The following SLC35F3 variants were observed in gnomAD, a reference collection of about 807,000 sequenced individuals.
SLC35F3 encodes the protein solute carrier family 35 member F3.
A neutral mutation model predicts 49.9 loss-of-function variants in SLC35F3; 25 were observed. The ratio of observed to expected loss-of-function variants is 0.50; its 90% CI spans 0.37 to 0.70. SLC35F3 has a LOEUF of 0.70. Among genes scored for constraint, SLC35F3 ranks in the 30% least tolerant of loss-of-function variants. The probability of loss-of-function intolerance (pLI) is 0.00; values close to 1 mark genes in which losing one functional copy is unlikely to be tolerated. For synonymous variants in SLC35F3, 275 were observed against 265.4 expected (o/e 1.04, Z -0.35); for missense variants, 525 against 639.8 (o/e 0.82, Z 1.94).
In SLC35F3 at chr1:234,094,244, T is replaced by A. The variant is rs1196882423; in HGVS notation, c.284-137173T>A. 3.3e-5 allele frequency among the ~76,000 whole-genome samples: 5 copies of A among 152,252 alleles called. No individual in the cohort carries two copies. The East Asian group carries it at 9.6e-4, about 29-fold the overall frequency. On this transcript the variant is annotated intron_variant, in intron 2 of 7. Transcript: ENST00000366618. ...ATTTTCATGAAGACAGATGAAGGAG[T>A]CTGTGCTGGTTCCTTTTCTGCCTCT...
intron 2 of SLC35F3, among the ~76,000 whole-genome samples, chr1:234,177,576 C>T (rs190593733): frequency 4.2e-4 from 64 of 152,352 alleles, no homozygotes; most frequent in Non-Finnish European, 8.1e-4. Flanking sequence ...GGCTTTACTA[C>T]ACTTACTGAT....
intron 2 of SLC35F3, among the ~76,000 whole-genome samples, chr1:234,133,586 A>G (rs1665765618): frequency 6.6e-6 from 1 of 152,208 alleles, no homozygotes; most frequent in Non-Finnish European, 1.5e-5. Flanking sequence ...TCTATTTTCT[A>G]TACCAGGTTC....
chr1:234,300,820 G>A (rs966684521), intron 3 of SLC35F3, among the ~76,000 whole-genome samples: 17 of 152,208 alleles, frequency 1.1e-4, no homozygotes, highest in African/African-American at 4.1e-4. Flanking sequence ...ATTGGAGGAG[G>A]GACAGCAGTG....
chr1:234,119,176 G>A (rs1274728004), intron 2 of SLC35F3, among the ~76,000 whole-genome samples: 1 of 152,088 alleles, frequency 6.6e-6, no homozygotes, highest in Non-Finnish European at 1.5e-5. Flanking sequence ...GGTAAGAGAA[G>A]GGGAGTGAAT....
intron 2 of SLC35F3, among the ~76,000 whole-genome samples, chr1:234,190,868 A>G (rs981968344): frequency 1.3e-5 from 2 of 152,212 alleles, no homozygotes; most frequent in African/African-American, 4.8e-5. Flanking sequence ...AAGACTGAAC[A>G]AAGGGATGAA....
At chr1:234,294,596 G>A (rs1456148575) in intron 3 of SLC35F3, among the ~76,000 whole-genome samples, 1 of 152,204 alleles carries the variant, frequency 6.6e-6, no homozygotes. Context: ...ATAGTTCACA[G>A]TTTTAAGATA....
chr1:234,309,085 T>C lies in SLC35F3; in HGVS notation c.609-16T>C. The C allele has an allele frequency of 3.7e-6, 6 of 1,610,366 alleles. No homozygotes were observed. The highest frequency in any genetic ancestry group is 5.1e-6 in the Non-Finnish European group (6 of 1,176,724). The stretch of plus-strand genomic sequence containing the variant: ...CCCAGGAAAATAATAACGATGCCTC[T>C]CTTTCCTTGTTTTAGGGAATGCTGT... On this transcript the variant is annotated splice_polypyrimidine_tract_variant and intron_variant, in intron 3 of 7. Transcript: ENST00000366618.
intron 2 of SLC35F3, among the ~76,000 whole-genome samples, chr1:234,107,829 C>T (rs976423238): frequency 7.9e-5 from 12 of 152,084 alleles, no homozygotes; most frequent in African/African-American, 2.9e-4. Context: ...GCCTTCCATT[C>T]TTTTATTAAT....
chr1:234,300,033 T>TA (rs34992030), intron 3 of SLC35F3, among the ~76,000 whole-genome samples: 44,987 of 151,578 alleles, frequency 0.3, 6,856 homozygotes, highest in East Asian at 0.56. Context: ...AAATTTGCAG[T>TA]AAAAAAATAT....
intron 3 of SLC35F3, among the ~76,000 whole-genome samples, chr1:234,266,883 T>TTG (rs1553259694): frequency 1.3e-5 from 2 of 149,096 alleles, no homozygotes; most frequent in African/African-American, 4.9e-5. Context: ...GTTTTTTTTT[T>TTG]TTTTTTTTTT....
chr1:234,168,755 C>T (rs1481027124), intron 2 of SLC35F3, among the ~76,000 whole-genome samples: 1 of 152,168 alleles, frequency 6.6e-6, no homozygotes, highest in Non-Finnish European at 1.5e-5. Flanking sequence ...AGTGGCTTTG[C>T]GGTCTCAGAA....
intron 2 of SLC35F3, among the ~76,000 whole-genome samples, chr1:234,175,308 A>G (rs1666458662): frequency 6.6e-6 from 1 of 152,248 alleles, no homozygotes; most frequent in East Asian, 1.9e-4. Context: ...CGCATTGTCC[A>G]TAAGAAGTAG....
intron 2 of SLC35F3, among the ~76,000 whole-genome samples, chr1:233,925,848 C>A (rs1662148997): frequency 6.6e-6 from 1 of 152,150 alleles, no homozygotes; most frequent in East Asian, 1.9e-4. Flanking sequence ...AATCTCTGAG[C>A]ATTTGCTTGT....
chr1:234,051,565 T>C (rs1428070320), intron 2 of SLC35F3, among the ~76,000 whole-genome samples: 1 of 152,212 alleles, frequency 6.6e-6, no homozygotes, highest in Non-Finnish European at 1.5e-5. Flanking sequence ...TTTCTAAATA[T>C]ACAATCATGT....
chr1:234,108,328 T>C (rs1196849575), intron 2 of SLC35F3, among the ~76,000 whole-genome samples: 2 of 123,914 alleles, frequency 1.6e-5, no homozygotes, highest in Admixed American at 1.0e-4. Context: ...AGATATATAT[T>C]ATTTATATAT....
intron 2 of SLC35F3, among the ~76,000 whole-genome samples, chr1:234,134,090 C>T (rs185085160): frequency 6.6e-5 from 10 of 152,222 alleles, no homozygotes; most frequent in Admixed American, 5.2e-4. Flanking sequence ...TCATGGAGAG[C>T]TTTAAATGCC....
At chr1:234,247,947 A>G (rs1161976494) in intron 3 of SLC35F3, among the ~76,000 whole-genome samples, 1 of 151,818 alleles carries the variant, frequency 6.6e-6, no homozygotes, top group Non-Finnish European at 1.5e-5. Flanking sequence ...TGGTTGGTCC[A>G]TTGCTTGGTG....
chr1:234,162,298 T>TCCC (rs1420527371), intron 2 of SLC35F3, among the ~76,000 whole-genome samples: 1 of 141,738 alleles, frequency 7.1e-6, no homozygotes, highest in Non-Finnish European at 1.5e-5. Flanking sequence ...TGGCTTCTCT[T>TCCC]CCCTGCCCCA....
chr1:234,273,238 G>T (rs1668138155), intron 3 of SLC35F3, among the ~76,000 whole-genome samples: 2 of 152,220 alleles, frequency 1.3e-5, no homozygotes, highest in African/African-American at 4.8e-5. Context: ...TGCCAGCTGT[G>T]TCTACTTATT....
Sources: gnomAD v4.1 joint callset for allele counts (sites outside exome capture counted in the v4.1 genomes callset) on GRCh38, gnomAD v4.1.1 for gene constraint, MANE v1.5 for transcripts, NCBI Gene and HGNC (gene_info 2026-07-23, HGNC 2026-07-21) for gene names.